The following NPIPB2 variants were observed in gnomAD, a reference collection of about 807,000 sequenced individuals.
NPIPB2 encodes nuclear pore complex interacting protein family member B2.
NPIPB2 carries 27 observed loss-of-function variants against 30.8 expected under a neutral mutation model. The ratio of observed to expected loss-of-function variants is 0.88; its 90% CI spans 0.65 to 1.21. NPIPB2 has a LOEUF of 1.21. Among genes scored for constraint, NPIPB2 ranks in the 50% most tolerant of loss-of-function variants. The pLI, the probability that NPIPB2 is intolerant of heterozygous loss-of-function variation, is 0.00. For missense variants in NPIPB2, 440 were observed against 446.2 expected, an observed-to-expected ratio of 0.99 and a Z score of 0.13; for synonymous variants, 147 against 162.0, an observed-to-expected ratio of 0.91 and a Z score of 0.70.
chr16:11,943,617 C>T (rs1223988860), upstream of NPIPB2, among the ~76,000 whole-genome samples: 2 of 150,588 alleles, frequency 1.3e-5, no homozygotes, highest in Non-Finnish European at 3.0e-5. Context: ...CAGGACAATC[C>T]CTTGAACCTG....
chr16:11,960,062 A>G (rs1199154356), intron 1 of NPIPB2, among the ~76,000 whole-genome samples: 1 of 152,178 alleles, frequency 6.6e-6, no homozygotes, highest in African/African-American at 2.4e-5. Context: ...GGTGTGAGCC[A>G]CCGTGCCCAG....
At chr16:11,945,181 T>C (rs1445859307), upstream of NPIPB2, among the ~76,000 whole-genome samples, 1 of 151,820 alleles carries the variant, frequency 6.6e-6, no homozygotes, top group African/African-American at 2.4e-5. Context: ...AGCAAAACTC[T>C]GTCTGAAAAA....
intron 1 of NPIPB2, among the ~76,000 whole-genome samples, chr16:11,960,477 C>T (rs2055145417): frequency 6.6e-6 from 1 of 151,614 alleles, no homozygotes; most frequent in African/African-American, 2.4e-5. Flanking sequence ...CTGCCTCAGG[C>T]TCCCACGTAG....
Position 11,970,841 on chromosome 16 carries a change from A to G in NPIPB2, c.-584+5727T>C, listed in dbSNP as rs566933285. Among the ~76,000 whole-genome samples the G allele has an allele frequency of 1.2e-4, 18 of 147,940 alleles. No homozygotes were observed. The South Asian group carries it at 1.3e-3, about 11-fold the overall frequency. ...GAGCCACCGCGCCTGGCCTAAAATC[A>G]GCATTTTCTTACTCGTTTCTTTTTT... On this transcript the variant is annotated intron_variant, in intron 1 of 5. Transcript: ENST00000538896.
exon 8 of NPIPB2, chr16:11,927,462 G>A (rs530406082): frequency 8.9e-5 from 104 of 1,175,132 alleles, no homozygotes; most frequent in Non-Finnish European, 1.1e-4. Context: ...GCGGCCCTCC[G>A]CCTCTTGGGT....
At chr16:11,931,006 TCA>T (rs2054783580) in intron 4 of NPIPB2, among the ~76,000 whole-genome samples, 1 of 136,848 alleles carries the variant, frequency 7.3e-6, no homozygotes, top group African/African-American at 2.7e-5. Context: ...GACCTGATTC[TCA>T]GTCAGAGGCT....
At chr16:11,952,700 GA>G (rs1357537148) in intron 1 of NPIPB2, among the ~76,000 whole-genome samples, 6 of 151,748 alleles carry the variant, frequency 4.0e-5, no homozygotes, top group Non-Finnish European at 7.4e-5. Context: ...GAGTAGTTGG[GA>G]CTACAGGCAC....
chr16:11,968,043 C>T, intron 1 of NPIPB2: 1 of 552,452 alleles, frequency 1.8e-6, no homozygotes, highest in Non-Finnish European at 2.9e-6. Context: ...TCCTTGGTTT[C>T]ATGATTAAAC....
At chr16:11,934,226 T>TCTCA (rs1555507978) in intron 2 of NPIPB2, among the ~76,000 whole-genome samples, 4 of 121,752 alleles carry the variant, frequency 3.3e-5, no homozygotes, top group South Asian at 5.4e-4. Flanking sequence ...TGAGACTCTG[T>TCTCA]CACACACACA....
intron 1 of NPIPB2, among the ~76,000 whole-genome samples, chr16:11,950,577 C>G (rs2055052988): frequency 2.0e-5 from 3 of 152,100 alleles, no homozygotes; most frequent in Admixed American, 2.0e-4. Context: ...TATGCAAAGT[C>G]CCTACCAACT....
At chr16:11,945,838 C>G (rs531363010), upstream of NPIPB2, among the ~76,000 whole-genome samples, 48 of 151,876 alleles carry the variant, frequency 3.2e-4, no homozygotes, top group African/African-American at 1.2e-3. Context: ...AGGCAGAAAC[C>G]CCTGCATTAT....
At chr16:11,962,282 C>G (rs1195327967) in intron 1 of NPIPB2, among the ~76,000 whole-genome samples, 1 of 150,240 alleles carries the variant, frequency 6.7e-6, no homozygotes, top group African/African-American at 2.4e-5. Context: ...GGGTCGATCA[C>G]GAGGTGAGGG....
At position 11,951,619 on chromosome 16, in the gene NPIPB2, TACACATACACACACACACACACACAC is replaced by T. The variant is rs1490244136; in HGVS notation, c.-583-9531_-583-9506del. ...CACTGATACAGATGGACACTGCACA[TACACATACACACACACACACACACAC>T]ACACACACACACACACACACACCCA... On this transcript the variant is annotated intron_variant, in intron 1 of 5. Transcript: ENST00000538896. Among the ~76,000 whole-genome samples the T allele has an allele frequency of 9.5e-5, 11 of 115,914 alleles. No homozygotes were observed. The East Asian group carries it at 4.2e-3, about 45-fold the overall frequency. The allele number at this position is 115,914 out of a possible 152,430, so 76.0% of individuals were successfully genotyped here.
Position 11,936,868 on chromosome 16 carries a change from C to T in NPIPB2, c.192+672G>A, listed in dbSNP as rs542659028. ...TTTCTCTGCATCATGAGACGCAGTGCAGTTGTGCCCTTCACCTTCTGGCAG... is the reference window on the plus strand; with the variant it reads ...TTTCTCTGCATCATGAGACGCAGTGTAGTTGTGCCCTTCACCTTCTGGCAG... On this transcript the variant is annotated intron_variant, in intron 2 of 7. Transcript: ENST00000399147. Among the ~76,000 whole-genome samples the T allele has an allele frequency of 6.1e-5, 9 of 148,614 alleles. No homozygotes were observed. The East Asian group carries it at 1.6e-3, about 27-fold the overall frequency.
intron 1 of NPIPB2, among the ~76,000 whole-genome samples, chr16:11,958,626 G>A (rs387871): frequency 0.5 from 76,576 of 151,772 alleles, 19,973 homozygotes; most frequent in East Asian, 0.83. Context: ...CTGCAGTCCC[G>A]GCTACTCAGG....
rs1485692988 is a variant in NPIPB2, at chr16:11,930,332, G to A, written c.590+118C>T. 16 of 966,348 alleles carry A rather than the reference G, an allele frequency of 1.7e-5. No homozygotes were observed. The East Asian group carries it at 4.0e-4, about 24-fold the overall frequency. 59.9% of individuals were successfully genotyped at this position (966,348 alleles called of 1,614,324 possible). ...GAACTCTCTCTCTCTCTCACGATATGTCTTCTGACCATTTGTTTCTATTTC... is the reference window on the plus strand; with the variant it reads ...GAACTCTCTCTCTCTCTCACGATATATCTTCTGACCATTTGTTTCTATTTC... On this transcript the variant is annotated intron_variant, in intron 5 of 7. Coordinates refer to ENST00000399147, the Ensembl canonical transcript of NPIPB2.
intron 1 of NPIPB2, among the ~76,000 whole-genome samples, chr16:11,970,667 C>T (rs1327435646): frequency 6.6e-6 from 1 of 152,056 alleles, no homozygotes; most frequent in Non-Finnish European, 1.5e-5. Context: ...TCCCGTGTAA[C>T]TGGGATTACA....
intron 1 of NPIPB2, among the ~76,000 whole-genome samples, chr16:11,957,977 C>A (rs903699294): frequency 6.6e-6 from 1 of 152,150 alleles, no homozygotes; most frequent in African/African-American, 2.4e-5. Flanking sequence ...ATTACAGAAT[C>A]CCCCACACAT....
At chr16:11,965,940 T>C (rs1428668397) in intron 1 of NPIPB2, among the ~76,000 whole-genome samples, 1 of 152,064 alleles carries the variant, frequency 6.6e-6, no homozygotes, top group African/African-American at 2.4e-5. Flanking sequence ...TGAAACCCTG[T>C]CTCTACTAAA....
Sources: gnomAD v4.1 joint callset for allele counts (sites outside exome capture counted in the v4.1 genomes callset) on GRCh38, gnomAD v4.1.1 for gene constraint, MANE v1.5 for transcripts, NCBI Gene and HGNC (gene_info 2026-07-23, HGNC 2026-07-21) for gene names.